MIPOL1: variants seen among roughly 807,000 people sequenced by gnomAD.
The protein encoded by MIPOL1 is mirror-image polydactyly 1.
Under a neutral mutation model 60.9 loss-of-function variants are expected in MIPOL1, and 57 were observed. That is an observed-to-expected ratio of 0.94 (90% CI 0.76 to 1.17). The LOEUF (loss-of-function observed/expected upper bound fraction) is 1.17. Ranked by LOEUF, MIPOL1 falls within the 50% of genes most tolerant of loss-of-function variation. The pLI, the probability that MIPOL1 is intolerant of heterozygous loss-of-function variation, is 0.00. For synonymous variants in MIPOL1, 179 were observed against 168.8 expected (o/e 1.06, Z -0.47); for missense variants, 551 against 511.6 (o/e 1.08, Z -0.74).
At chr14:37,494,969 A>T (rs1402464315) in intron 11 of MIPOL1, among the ~76,000 whole-genome samples, 3 of 152,106 alleles carry the variant, frequency 2.0e-5, no homozygotes, top group African/African-American at 4.8e-5. Context: ...AATCAAAATC[A>T]GGTATAAATT....
chr14:37,321,162 G>C (rs1276363788), intron 9 of MIPOL1, among the ~76,000 whole-genome samples: 1 of 151,866 alleles, frequency 6.6e-6, no homozygotes, highest in Non-Finnish European at 1.5e-5. Context: ...AGCAAGATTG[G>C]CATCTTAGCA....
intron 10 of MIPOL1, among the ~76,000 whole-genome samples, chr14:37,402,341 C>G (rs1017343492): frequency 4.6e-5 from 7 of 151,774 alleles, no homozygotes; most frequent in Non-Finnish European, 7.4e-5. Flanking sequence ...TAAACGTACC[C>G]CAAAATGCAT....
At chr14:37,327,425 C>G (rs915850375) in intron 9 of MIPOL1, among the ~76,000 whole-genome samples, 2 of 152,058 alleles carry the variant, frequency 1.3e-5, no homozygotes, top group African/African-American at 4.8e-5. Context: ...GTAGCTAGGA[C>G]TACAGGTGCA....
At chr14:37,201,014 C>T (rs1247012725) in intron 1 of MIPOL1, among the ~76,000 whole-genome samples, 1 of 150,614 alleles carries the variant, frequency 6.6e-6, no homozygotes, top group Non-Finnish European at 1.5e-5. Flanking sequence ...GTGATCCTCT[C>T]ACCTCGGCTT....
chr14:37,514,939 A>G (rs117375605), intron 12 of MIPOL1, among the ~76,000 whole-genome samples: 21 of 152,330 alleles, frequency 1.4e-4, no homozygotes, highest in Admixed American at 9.8e-4. Context: ...GAGAAACTCA[A>G]TTGAACCCAA....
intron 1 of MIPOL1, among the ~76,000 whole-genome samples, chr14:37,244,980 G>GT (rs1972961250): frequency 6.6e-6 from 1 of 152,024 alleles, no homozygotes; most frequent in Non-Finnish European, 1.5e-5. Context: ...CACTAAATCT[G>GT]TTTTTTAAGA....
At chr14:37,510,339 C>G (rs560435659) in intron 12 of MIPOL1, among the ~76,000 whole-genome samples, 199 of 152,160 alleles carry the variant, frequency 1.3e-3, no homozygotes, top group African/African-American at 4.6e-3. Flanking sequence ...CTCAGCCTCC[C>G]CAGGAGCTGG....
chr14:37,258,322 C>G (rs1975304884), intron 3 of MIPOL1, among the ~76,000 whole-genome samples: 1 of 151,882 alleles, frequency 6.6e-6, no homozygotes, highest in Non-Finnish European at 1.5e-5. Flanking sequence ...TCTTAACAAA[C>G]AAAAAATACA....
chr14:37,494,476 A>C (rs536977951), intron 11 of MIPOL1, among the ~76,000 whole-genome samples: 1 of 152,330 alleles, frequency 6.6e-6, no homozygotes, highest in East Asian at 1.9e-4. Flanking sequence ...ATTCCAAACA[A>C]ATACCTTCAG....
chr14:37,419,776 T>G (rs1214729479), intron 10 of MIPOL1, among the ~76,000 whole-genome samples: 1 of 151,952 alleles, frequency 6.6e-6, no homozygotes, highest in Non-Finnish European at 1.5e-5. Flanking sequence ...GGTCTCACTT[T>G]GTCGACCAGG....
At chr14:37,435,281 C>T (rs1420300975) in intron 11 of MIPOL1, among the ~76,000 whole-genome samples, 1 of 152,150 alleles carries the variant, frequency 6.6e-6, no homozygotes, top group African/African-American at 2.4e-5. Flanking sequence ...GCTCCCATCC[C>T]AGGGCCCTGC....
chr14:37,498,548 A>G (rs970305975), intron 11 of MIPOL1, among the ~76,000 whole-genome samples: 1 of 152,106 alleles, frequency 6.6e-6, no homozygotes, highest in African/African-American at 2.4e-5. Context: ...CTTTAAGCAT[A>G]TGGGTTGGTA....
intron 7 of MIPOL1, among the ~76,000 whole-genome samples, chr14:37,299,500 G>T (rs1193509604): frequency 3.3e-5 from 5 of 151,888 alleles, no homozygotes; most frequent in African/African-American, 4.8e-5. Flanking sequence ...TTTACCATTT[G>T]GTTAAGTTGC....
chr14:37,461,709 T>C (rs2094540848), intron 11 of MIPOL1, among the ~76,000 whole-genome samples: 1 of 152,182 alleles, frequency 6.6e-6, no homozygotes, highest in Non-Finnish European at 1.5e-5. Flanking sequence ...ACAAAGGGGC[T>C]ATAGGACCCA....
chr14:37,212,207 A>G (rs1037152823), intron 1 of MIPOL1: 3 of 152,128 alleles, frequency 2.0e-5, no homozygotes, highest in Admixed American at 1.3e-4. Context: ...AGTAAAGAGG[A>G]TGGACTTTGT....
At chr14:37,226,957 G>A (rs1251277844) in intron 1 of MIPOL1, among the ~76,000 whole-genome samples, 2 of 152,182 alleles carry the variant, frequency 1.3e-5, no homozygotes, top group Admixed American at 1.3e-4. Flanking sequence ...ATTCTTGACT[G>A]TGATGCTGCC....
Position 37,517,580 on chromosome 14 carries a change from A to G in MIPOL1, c.1262+17442A>G, listed in dbSNP as rs1236388404. Among the ~76,000 whole-genome samples the G allele has an allele frequency of 2.0e-5, 3 of 152,224 alleles. No individual in the cohort carries two copies. In the East Asian group the frequency reaches 5.8e-4, roughly 29 times the overall value. On this transcript the variant is annotated intron_variant, in intron 12 of 12. Transcript: ENST00000684589. ...ATCCTGAATATAAACCTCCATGCGT[A>G]TGAAGCAACATAAGAATTACAGTAT...
intron 11 of MIPOL1, among the ~76,000 whole-genome samples, chr14:37,476,961 C>T (rs185401105): frequency 1.8e-3 from 239 of 134,704 alleles, no homozygotes; most frequent in African/African-American, 6.0e-3. Flanking sequence ...AGTGCAGTGG[C>T]GTGATCTCAG....
At chr14:37,366,496 A>G (rs761994263) in intron 9 of MIPOL1, among the ~76,000 whole-genome samples, 159 of 151,778 alleles carry the variant, frequency 1.0e-3, no homozygotes, top group African/African-American at 2.6e-3. Context: ...GTTTTCTTCT[A>G]TTGTGGTTAG....
Sources: gnomAD v4.1 joint callset for allele counts (sites outside exome capture counted in the v4.1 genomes callset) on GRCh38, gnomAD v4.1.1 for gene constraint, MANE v1.5 for transcripts, NCBI Gene and HGNC (gene_info 2026-07-23, HGNC 2026-07-21) for gene names.